The following SLC19A3 variants were observed in gnomAD, a reference collection of about 807,000 sequenced individuals.
The protein encoded by SLC19A3 is solute carrier family 19 member 3.
In SLC19A3, 31 loss-of-function variants were observed where a neutral mutation model predicts 40.2. The ratio of observed to expected loss-of-function variants is 0.77; its 90% CI spans 0.58 to 1.04. SLC19A3 has a LOEUF of 1.04. SLC19A3 is among the 50% of genes least tolerant of loss of function. The pLI, the probability that SLC19A3 is intolerant of heterozygous loss-of-function variation, is 0.00. For missense variants in SLC19A3, 592 were observed against 596.7 expected (o/e 0.99, Z 0.08); for synonymous variants, 212 against 227.5 (o/e 0.93, Z 0.61).
chr2:227,698,376 T>C (rs1218251918), intron 3 of SLC19A3, among the ~76,000 whole-genome samples: 1 of 151,928 alleles, frequency 6.6e-6, no homozygotes, highest in Non-Finnish European at 1.5e-5. Context: ...TTAGCCAGGA[T>C]GGTCTCCATC....
intron 4 of SLC19A3, among the ~76,000 whole-genome samples, chr2:227,693,674 G>C (rs1695317141): frequency 6.6e-6 from 1 of 152,062 alleles, no homozygotes; most frequent in Non-Finnish European, 1.5e-5. Context: ...TGGGACGTTG[G>C]AGTGGGCAAA....
intron 4 of SLC19A3, among the ~76,000 whole-genome samples, chr2:227,691,210 T>C (rs1470205402): frequency 6.6e-6 from 1 of 151,990 alleles, no homozygotes; most frequent in Admixed American, 6.6e-5. Context: ...ACTGAAAAAT[T>C]TCTTGAAATA....
At chr2:227,712,669 A>G (rs1288795956) in intron 1 of SLC19A3, among the ~76,000 whole-genome samples, 3 of 152,236 alleles carry the variant, frequency 2.0e-5, no homozygotes, top group Non-Finnish European at 4.4e-5. Context: ...AATGAGAAGC[A>G]ACTAAATGTC....
chr2:227,702,161 T>C lies in SLC19A3; in HGVS notation c.150+8A>G. 1.2e-6 allele frequency: 2 copies of C among 1,611,296 alleles called. No individual in the cohort carries two copies. The highest frequency in any genetic ancestry group is 2.2e-5 in the South Asian group (2 of 91,026). On this transcript the variant is annotated splice_region_variant and intron_variant, in intron 2 of 5. Coordinates refer to ENST00000644224, the MANE Select transcript of SLC19A3 (RefSeq NM_025243.4). Reference sequence around the variant, plus strand: ...ACCACATTAAGATATGTATGTATGTTAACTTACCTCTGCACTGGTCAGGTT... The same window carrying C: ...ACCACATTAAGATATGTATGTATGTCAACTTACCTCTGCACTGGTCAGGTT...
chr2:227,709,759 T>C (rs140515612), intron 1 of SLC19A3, among the ~76,000 whole-genome samples: 41 of 152,102 alleles, frequency 2.7e-4, no homozygotes, highest in African/African-American at 9.4e-4. Context: ...AAGAACAAGA[T>C]ATTGGGTGGG....
At chr2:227,707,690 G>C (rs1184753717) in intron 1 of SLC19A3, among the ~76,000 whole-genome samples, 2 of 149,878 alleles carry the variant, frequency 1.3e-5, no homozygotes, top group African/African-American at 4.9e-5. Flanking sequence ...CCCACCAAGG[G>C]ATGCTTCAGT....
At chr2:227,694,569 T>G (rs555894484) in intron 4 of SLC19A3, among the ~76,000 whole-genome samples, 1 of 152,348 alleles carries the variant, frequency 6.6e-6, no homozygotes, top group South Asian at 2.1e-4. Flanking sequence ...ACTTCTTTCA[T>G]GCAATTTGAA....
In SLC19A3 at chr2:227,695,930, C is replaced by G; in HGVS notation, c.1131G>C (p.Leu377Phe). The change falls in exon 4 of 6, where the codon TTG (leucine) becomes TTC (phenylalanine). Residue 377 changes from leucine to phenylalanine, a missense_variant. Coordinates refer to ENST00000644224, the MANE Select transcript of SLC19A3 (RefSeq NM_025243.4). ...GAAGCATATAGCTGGACTTGAATAT[C>G]AAATAGCCAGCATAGCACGCCCAGA... ...ANIWACYAGYLIFKSSYMLLI... is the reference protein window; with the variant it reads ...ANIWACYAGYFIFKSSYMLLI... 1 of 1,614,116 alleles carries G rather than the reference C, an allele frequency of 6.2e-7. No homozygotes were observed. The highest frequency in any genetic ancestry group is 2.2e-5 in the East Asian group (1 of 44,886).
intron 1 of SLC19A3, chr2:227,706,744 C>T (rs1695960369): frequency 6.3e-6 from 1 of 157,632 alleles, no homozygotes; most frequent in African/African-American, 2.4e-5. Context: ...GCACCCCAAC[C>T]TGGGCAACAG....
At chr2:227,717,753 T>C (rs1041844281) in intron 1 of SLC19A3, among the ~76,000 whole-genome samples, 190 bp downstream of exon 1, 3 of 152,296 alleles carry the variant, frequency 2.0e-5, no homozygotes, top group Admixed American at 6.5e-5. Context: ...ACAAACCCAC[T>C]TGGGTGAATC....
At chr2:227,700,095 T>A (rs183280042) in intron 2 of SLC19A3, among the ~76,000 whole-genome samples, 1 of 152,132 alleles carries the variant, frequency 6.6e-6, no homozygotes, top group Non-Finnish European at 1.5e-5. Flanking sequence ...CAGGTTGATC[T>A]TGAACTCCTG....
In SLC19A3 at chr2:227,714,362, G is replaced by A. The variant is rs1272935193; in HGVS notation, c.-3+3581C>T. The stretch of plus-strand genomic sequence containing the variant: ...AAGCTAGGACAGGGCAATAAACCTT[G>A]TAAGTCTGGCCACATATAACATTTT... On this transcript the variant is annotated intron_variant, in intron 1 of 5. Coordinates refer to ENST00000644224, the MANE Select transcript of SLC19A3 (RefSeq NM_025243.4). 1.3e-5 allele frequency: 12 copies of A among 922,686 alleles called. No homozygotes were observed. The Admixed American group carries it at 2.5e-4, about 19-fold the overall frequency. 57.2% of individuals were successfully genotyped at this position (922,686 alleles called of 1,614,324 possible).
At chr2:227,694,980 A>G (rs1276591867) in intron 4 of SLC19A3, among the ~76,000 whole-genome samples, 2 of 152,186 alleles carry the variant, frequency 1.3e-5, no homozygotes, top group Non-Finnish European at 2.9e-5. Flanking sequence ...GGACTGCTTG[A>G]GCCCAGGAGA....
rs978341688 is a variant in SLC19A3, at chr2:227,685,846, TAAC to T, written c.*1548_*1550del. On this transcript the variant is annotated 3_prime_UTR_variant, in exon 6 of 6. Coordinates refer to ENST00000644224, the MANE Select transcript of SLC19A3 (RefSeq NM_025243.4). The stretch of plus-strand genomic sequence containing the variant: ...TTCAGCAGAATTCATCAAAAAATGT[TAAC>T]AACTCTTTAAAATTTTTACACATTT... 2 of 163,116 alleles carry T rather than the reference TAAC, an allele frequency of 1.2e-5. No individual in the cohort carries two copies. Among genetic ancestry groups the T allele is most frequent in the African/African-American group, 4.8e-5 (2 of 41,584 alleles). The allele number at this position is 163,116 out of a possible 1,614,324, so 10.1% of individuals were successfully genotyped here. A position where few individuals can be genotyped will look rare whatever the true frequency, so the allele number is the denominator to read the frequency against.
At chr2:227,715,117 G>A (rs988576028) in intron 1 of SLC19A3, among the ~76,000 whole-genome samples, 7 of 151,936 alleles carry the variant, frequency 4.6e-5, no homozygotes, top group Non-Finnish European at 8.8e-5. Flanking sequence ...GCCGTGCCTG[G>A]CCTTGCCCTG....
rs79299809 is a variant in SLC19A3, at chr2:227,695,662, T to C, written c.1172+227A>G. ...ACAATGTATCACTGCTTTTGGTCTA[T>C]AAACCTACAGAGTTTTTTCCCTTGA... On this transcript the variant is annotated intron_variant, in intron 4 of 5. Transcript: ENST00000644224. 2,245 of 553,340 alleles carry C rather than the reference T, an allele frequency of 4.1e-3. 35 individuals carry two copies. Among genetic ancestry groups the C allele is most frequent in the African/African-American group, 0.038 (1,995 of 52,968 alleles). The allele number at this position is 553,340 out of a possible 1,614,324, so 34.3% of individuals were successfully genotyped here.
chr2:227,716,993 CTTTTTTTTTTTTTTTT>C (rs61164911), intron 1 of SLC19A3, among the ~76,000 whole-genome samples: 2 of 67,140 alleles, frequency 3.0e-5, no homozygotes, highest in East Asian at 1.3e-3. Flanking sequence ...CATGAGAGTG[CTTTTTTTTTTTTTTTT>C]TTTTTTTTTT....
intron 2 of SLC19A3, among the ~76,000 whole-genome samples, chr2:227,699,904 G>A (rs1695612212): frequency 6.6e-6 from 1 of 152,040 alleles, no homozygotes; most frequent in African/African-American, 2.4e-5. Context: ...TTGAGGTGGA[G>A]TCTTGCTCAG....
chr2:227,687,305 C>A lies in SLC19A3; in HGVS notation c.*92G>T. The A allele has an allele frequency of 7.5e-7, 1 of 1,336,282 alleles. No homozygotes were observed. The highest frequency in any genetic ancestry group is 2.3e-5 in the East Asian group (1 of 43,282). The allele number at this position is 1,336,282 out of a possible 1,614,324, so 82.8% of individuals were successfully genotyped here. A position where few individuals can be genotyped will look rare whatever the true frequency, so the allele number is the denominator to read the frequency against. On this transcript the variant is annotated 3_prime_UTR_variant, in exon 6 of 6. Coordinates refer to ENST00000644224, the MANE Select transcript of SLC19A3 (RefSeq NM_025243.4). ...TGGAATCCAGATTTGCAAAGCATGTCAAGTTATGGCAAAACATATGCCACC... is the reference window on the plus strand; with the variant it reads ...TGGAATCCAGATTTGCAAAGCATGTAAAGTTATGGCAAAACATATGCCACC...
Sources: gnomAD v4.1 joint callset for allele counts (sites outside exome capture counted in the v4.1 genomes callset) on GRCh38, gnomAD v4.1.1 for gene constraint, MANE v1.5 for transcripts, NCBI Gene and HGNC (gene_info 2026-07-23, HGNC 2026-07-21) for gene names.